The following DHX38 variants were observed in gnomAD, a reference collection of about 807,000 sequenced individuals.
The protein encoded by DHX38 is DEAH-box helicase 38, also known as pre-mRNA-splicing factor ATP-dependent RNA helicase PRP16.
In DHX38, 100 loss-of-function variants were observed where a neutral mutation model predicts 153.1. The ratio of observed to expected loss-of-function variants is 0.65; its 90% CI spans 0.56 to 0.77. The LOEUF is 0.77. DHX38 is among the 30% of genes least tolerant of loss of function. The pLI, the probability that DHX38 is intolerant of heterozygous loss-of-function variation, is 0.00. For missense variants in DHX38, 1,440 were observed against 1,654.0 expected, an observed-to-expected ratio of 0.87 and a Z score of 2.24; for synonymous variants, 650 against 631.7, an observed-to-expected ratio of 1.03 and a Z score of -0.43.
chr16:72,097,928 G>C (rs2042044337), intron 4 of DHX38, 147 bp downstream of exon 4: 2 of 793,478 alleles, frequency 2.5e-6, no homozygotes, highest in African/African-American at 3.4e-5. Context: ...TTCTGAGTCA[G>C]GTGGGCACAG....
Position 72,098,991 on chromosome 16 carries a change from TG to T in DHX38, c.832del (p.Ala278ProfsTer51), listed in dbSNP as rs2042059745. On this transcript the variant is annotated frameshift_variant, in exon 6 of 27. Coordinates refer to ENST00000268482, the MANE Select transcript of DHX38 (RefSeq NM_014003.4). LOFTEE classifies it high-confidence loss of function. ...AACTCCCTCCTACAAATATAACGAG[TG>T]GGCCGATGACAGAAGACACTTGGGG... ...LPTPSYKYNE[W>X]ADDRRHLGST... The T allele has an allele frequency of 6.2e-7, 1 of 1,613,314 alleles. No homozygotes were observed. The highest frequency in any genetic ancestry group is 1.3e-5 in the African/African-American group (1 of 74,794).
chr16:72,100,290 C>T, intron 8 of DHX38, 146 bp from the exon 9 acceptor site: 1 of 1,122,368 alleles, frequency 8.9e-7, no homozygotes, highest in Non-Finnish European at 1.3e-6. Context: ...CCTCTTCTGT[C>T]TTTGGAGCTG....
At chr16:72,103,241 T>C (rs1192284894) in intron 12 of DHX38, 30 bp downstream of exon 12, 2 of 1,607,990 alleles carry the variant, frequency 1.2e-6, no homozygotes, top group Non-Finnish European at 1.7e-6. Context: ...AGGAATCTAG[T>C]GTCAAGTCAG....
intron 25 of DHX38, 39 bp downstream of exon 25, chr16:72,109,549 T>C (rs1050789584): frequency 1.3e-6 from 2 of 1,580,610 alleles, no homozygotes; most frequent in South Asian, 2.3e-5. Context: ...GCTGTTTGCC[T>C]GTGGGGTCGG....
chr16:72,095,134 G>A (rs1478172101), intron 1 of DHX38, among the ~76,000 whole-genome samples: 1 of 152,224 alleles, frequency 6.6e-6, no homozygotes, highest in Non-Finnish European at 1.5e-5. Flanking sequence ...TTGCTAACTT[G>A]TTGGAATGAG....
chr16:72,105,436 T>A, intron 17 of DHX38, 81 bp from the exon 18 acceptor site: 4 of 1,596,936 alleles, frequency 2.5e-6, no homozygotes, highest in Non-Finnish European at 3.4e-6. Flanking sequence ...GGGGGTGGGC[T>A]AGGAGGTAGG....
Position 72,104,491 on chromosome 16 carries a change from G to A in DHX38, c.2016G>A (p.Val672=). The A allele has an allele frequency of 1.2e-6, 2 of 1,613,816 alleles. No homozygotes were observed. Among genetic ancestry groups the A allele is most frequent in the Non-Finnish European group, 1.7e-6 (2 of 1,180,012 alleles). ...CGAGCCGCCTCTTCTCTCAGGTAGTGGCTCGGCGCTCAGACCTGAAGCTCA... is the reference window on the plus strand; with the variant it reads ...CGAGCCGCCTCTTCTCTCAGGTAGTAGCTCGGCGCTCAGACCTGAAGCTCA... The part of the protein sequence containing the change: ...DVLFGLLREV[V]ARRSDLKLIV... Residue 672 remains valine (V), a synonymous_variant, in exon 15 of 27, where the codon GTG becomes GTA. Coordinates refer to ENST00000268482, the MANE Select transcript of DHX38 (RefSeq NM_014003.4). This position sits in a 1 kb window ranked among gnomAD's most constrained non-coding sequence, Gnocchi z 4.5.
chr16:72,103,675 G>A lies in DHX38; in HGVS notation c.1711G>A (p.Glu571Lys), dbSNP rs879012558. The A allele has an allele frequency of 1.2e-6, 2 of 1,614,168 alleles. No homozygotes were observed. The highest frequency in any genetic ancestry group is 2.2e-5 in the South Asian group (2 of 91,088). The stretch of plus-strand genomic sequence containing the variant: ...CACTCAGCTGACGCAGTACCTGCAT[G>A]AAGATGGTTACACGGACTATGGGAT... ...KTTQLTQYLH[E>K]DGYTDYGMIG... Residue 571 changes from glutamate (E) to lysine (K), a missense_variant, in exon 13 of 27, where the codon GAA becomes AAA. Glu to Lys is a moderately conservative substitution (Grantham distance 56, BLOSUM62 1). Coordinates refer to ENST00000268482, the MANE Select transcript of DHX38 (RefSeq NM_014003.4).
Position 72,104,712 on chromosome 16 carries a change from A to T in DHX38, c.2151+86A>T. 1.3e-6 allele frequency: 2 copies of T among 1,576,770 alleles called. No individual in the cohort carries two copies. The highest frequency in any genetic ancestry group is 1.7e-6 in the Non-Finnish European group (2 of 1,157,502). Reference sequence around the variant, plus strand: ...GCCGGCTGGAGGGTGGAGGGTGGGTAGGGGACTGGGTTGGAGAAGATTTCC... The same window carrying T: ...GCCGGCTGGAGGGTGGAGGGTGGGTTGGGGACTGGGTTGGAGAAGATTTCC... On this transcript the variant is annotated intron_variant, in intron 15 of 26. Transcript: ENST00000268482. This position sits in a 1 kb window ranked among gnomAD's most constrained non-coding sequence, Gnocchi z 4.5.
Position 72,097,657 on chromosome 16 carries a change from C to T in DHX38, c.512-20C>T. ...TTAGGATGGGATGCATGTTTTTAAG[C>T]TTCGTGTGACTCTTCATAGATGAGC... On this transcript the variant is annotated intron_variant, in intron 3 of 26. Coordinates refer to ENST00000268482, the MANE Select transcript of DHX38 (RefSeq NM_014003.4). 5.0e-6 allele frequency: 8 copies of T among 1,610,660 alleles called. No individual in the cohort carries two copies. The highest frequency in any genetic ancestry group is 6.8e-6 in the Non-Finnish European group (8 of 1,177,844).
chr16:72,104,388 C>G lies in DHX38; in HGVS notation c.2011-98C>G. 6.6e-7 allele frequency: 1 copy of G among 1,518,732 alleles called. No individual in the cohort carries two copies. The highest frequency in any genetic ancestry group is 8.9e-7 in the Non-Finnish European group (1 of 1,126,254). The allele number at this position is 1,518,732 out of a possible 1,614,324, so 94.1% of individuals were successfully genotyped here. ...AGAATTGAATAGGCCCATTTGTCAG[C>G]TTTGGCTTGTGTTTCCTCGGGGGTG... On this transcript the variant is annotated intron_variant, in intron 14 of 26. Coordinates refer to ENST00000268482, the MANE Select transcript of DHX38 (RefSeq NM_014003.4). The surrounding 1 kb of genome is among the most constrained non-coding windows in gnomAD (Gnocchi z 4.5).
chr16:72,100,766 A>G (rs1419041144), intron 9 of DHX38, among the ~76,000 whole-genome samples, 169 bp downstream of exon 9: 3 of 152,214 alleles, frequency 2.0e-5, no homozygotes, highest in Admixed American at 2.0e-4. Context: ...CCCTGTCTCA[A>G]AAGTACAAAA....
chr16:72,098,872 G>C, intron 5 of DHX38, 55 bp from the exon 6 acceptor site: 1 of 1,613,946 alleles, frequency 6.2e-7, no homozygotes, highest in Admixed American at 1.7e-5. Context: ...TGGTGGCCAG[G>C]AGGACGTGGC....
At chr16:72,098,411 C>T (rs533584435) in intron 4 of DHX38, among the ~76,000 whole-genome samples, 32 of 151,938 alleles carry the variant, frequency 2.1e-4, no homozygotes, top group Non-Finnish European at 3.8e-4. Context: ...CCAGCCTGGG[C>T]GACAGAGCAA....
chr16:72,097,163 A>C (rs1023997313), intron 3 of DHX38, 154 bp downstream of exon 3: 1 of 753,188 alleles, frequency 1.3e-6, no homozygotes, highest in Non-Finnish European at 2.0e-6. Flanking sequence ...TGGGATTGGG[A>C]ATACTAGTTT....
chr16:72,103,849 C>T, intron 13 of DHX38, 61 bp downstream of exon 13: 1 of 1,595,054 alleles, frequency 6.3e-7, no homozygotes, highest in Middle Eastern at 1.7e-4. Flanking sequence ...CCCATTTTTG[C>T]TAAAGGGTGT....
chr16:72,097,906 TG>T, intron 4 of DHX38, 125 bp downstream of exon 4: 1 of 935,338 alleles, frequency 1.1e-6, no homozygotes. Context: ...ATGAACATCT[TG>T]GGATAGTTGG....
chr16:72,096,738 A>T, intron 2 of DHX38, 84 bp from the exon 3 acceptor site: 3 of 1,521,474 alleles, frequency 2.0e-6, no homozygotes, highest in Non-Finnish European at 2.6e-6. Context: ...AAAAGGACAG[A>T]TCACTTGTTT....
At position 72,099,767 on chromosome 16, in the gene DHX38, C is replaced by T. The variant is rs767623443; in HGVS notation, c.996C>T (p.Gly332=). 2.0e-5 allele frequency: 33 copies of T among 1,614,172 alleles called. 1 individual carries two copies. The highest frequency in any genetic ancestry group is 6.7e-5 in the East Asian group (3 of 44,884). ...ADRDWYMMDE[G]YDEFHNPLAY... is the part of the protein sequence containing the mutation. ...GGGATTGGTACATGATGGACGAGGG[C>T]TATGACGAGTTCCACAACCCGCTGG... The change falls in exon 8 of 27, where the codon GGC becomes GGT. Residue 332 remains glycine, a synonymous_variant. Coordinates refer to ENST00000268482, the MANE Select transcript of DHX38 (RefSeq NM_014003.4).
Sources: allele counts gnomAD v4.1 joint callset (sites outside exome capture counted in the v4.1 genomes callset), GRCh38; gene constraint gnomAD v4.1.1; non-coding constraint Gnocchi (gnomAD v3.1); transcripts MANE v1.5; gene names NCBI Gene and HGNC (gene_info 2026-07-23, HGNC 2026-07-21).